IMMP2L: variants seen among roughly 807,000 people sequenced by gnomAD.
The protein encoded by IMMP2L is inner mitochondrial membrane peptidase subunit 2.
IMMP2L carries 18 observed loss-of-function variants against 19.3 expected under a neutral mutation model. The ratio of observed to expected loss-of-function variants is 0.93; its 90% confidence interval spans 0.64 to 1.38. The LOEUF is 1.38. Ranked by LOEUF, IMMP2L falls within the 40% of genes most tolerant of loss-of-function variation. IMMP2L has a pLI of 0.00. For synonymous variants in IMMP2L, 76 were observed against 73.0 expected, an observed-to-expected ratio of 1.04 and a Z score of -0.21; for missense variants, 233 against 218.2, an observed-to-expected ratio of 1.07 and a Z score of -0.43.
intron 3 of IMMP2L, among the ~76,000 whole-genome samples, chr7:111,417,550 C>T (rs1261865224): frequency 7.3e-5 from 11 of 151,722 alleles, no homozygotes; most frequent in Admixed American, 6.6e-5. Flanking sequence ...TATGAAGGTT[C>T]GTAGTCAGAG....
At chr7:110,937,905 A>C (rs1279327005) in intron 4 of IMMP2L, among the ~76,000 whole-genome samples, 2 of 152,192 alleles carry the variant, frequency 1.3e-5, no homozygotes, top group Admixed American at 6.6e-5. Context: ...AGAACTTCAC[A>C]TACACCAAGC....
chr7:111,395,713 G>T (rs1832798742), intron 3 of IMMP2L, among the ~76,000 whole-genome samples: 1 of 152,068 alleles, frequency 6.6e-6, no homozygotes, highest in African/African-American at 2.4e-5. Flanking sequence ...ACTATCTATA[G>T]TAATATTATT....
At chr7:111,400,995 T>C (rs1350472374) in intron 3 of IMMP2L, among the ~76,000 whole-genome samples, 2 of 152,320 alleles carry the variant, frequency 1.3e-5, no homozygotes, top group Non-Finnish European at 2.9e-5. Context: ...TGCTTTTTGC[T>C]TTTTGTCATT....
chr7:111,467,718 T>C (rs1840814502), intron 3 of IMMP2L, among the ~76,000 whole-genome samples: 1 of 152,190 alleles, frequency 6.6e-6, no homozygotes, highest in African/African-American at 2.4e-5. Context: ...TATTCATTAC[T>C]GTTTATGACC....
intron 3 of IMMP2L, among the ~76,000 whole-genome samples, chr7:111,433,062 G>A (rs1836797288): frequency 6.6e-6 from 1 of 151,682 alleles, no homozygotes; most frequent in African/African-American, 2.4e-5. Context: ...ACCTGACACT[G>A]GGTAATTTAT....
chr7:111,406,096 A>T (rs1833881269), intron 3 of IMMP2L, among the ~76,000 whole-genome samples: 1 of 152,108 alleles, frequency 6.6e-6, no homozygotes, highest in African/African-American at 2.4e-5. Flanking sequence ...TCTCTACATT[A>T]TATTTGGATG....
intron 3 of IMMP2L, among the ~76,000 whole-genome samples, chr7:111,407,035 G>C (rs1291886478): frequency 6.6e-6 from 1 of 152,016 alleles, no homozygotes; most frequent in Non-Finnish European, 1.5e-5. Flanking sequence ...CCCAGAGTTG[G>C]GGTGTAACCT....
intron 5 of IMMP2L, among the ~76,000 whole-genome samples, chr7:110,850,104 AG>A (rs2131519277): frequency 6.6e-6 from 1 of 152,240 alleles, no homozygotes; most frequent in Non-Finnish European, 1.5e-5. Flanking sequence ...AAACTACTAA[AG>A]TCAGAAAATA....
At chr7:111,239,394 C>T (rs1429558967) in intron 3 of IMMP2L, among the ~76,000 whole-genome samples, 2 of 151,860 alleles carry the variant, frequency 1.3e-5, no homozygotes, top group Non-Finnish European at 2.9e-5. Context: ...TTTTCACAAA[C>T]TTTCGATAAA....
chr7:110,722,263 C>T (rs1433676063), intron 5 of IMMP2L, among the ~76,000 whole-genome samples: 1 of 152,014 alleles, frequency 6.6e-6, no homozygotes. Context: ...GCAGTGGGAA[C>T]AGTACTGAGG....
intron 3 of IMMP2L, among the ~76,000 whole-genome samples, chr7:111,388,416 G>A (rs997035988): frequency 2.0e-5 from 3 of 152,086 alleles, no homozygotes; most frequent in Admixed American, 6.6e-5. Flanking sequence ...GTTTGGAATC[G>A]AGGAGATCAG....
chr7:111,242,588 T>C (rs1562962528), intron 3 of IMMP2L, among the ~76,000 whole-genome samples: 1 of 152,052 alleles, frequency 6.6e-6, no homozygotes, highest in Non-Finnish European at 1.5e-5. Flanking sequence ...ATCGGCTGTA[T>C]TTCACCTAGT....
At chr7:110,913,146 A>T (rs1813236564) in intron 4 of IMMP2L, among the ~76,000 whole-genome samples, 1 of 152,184 alleles carries the variant, frequency 6.6e-6, no homozygotes, top group African/African-American at 2.4e-5. Context: ...ATAATTAGTT[A>T]AGAGGAAAAT....
intron 3 of IMMP2L, among the ~76,000 whole-genome samples, chr7:110,990,874 T>C (rs1371847095): frequency 6.6e-6 from 1 of 152,198 alleles, no homozygotes; most frequent in East Asian, 1.9e-4. Context: ...CCCTCAACAA[T>C]GGCAAAATCT....
intron 4 of IMMP2L, among the ~76,000 whole-genome samples, chr7:110,931,929 G>C (rs1335658240): frequency 6.6e-6 from 1 of 151,890 alleles, no homozygotes; most frequent in Admixed American, 6.6e-5. Flanking sequence ...CTTAAATACA[G>C]ACCCTATGTT....
At chr7:111,122,638 A>T (rs1389665120) in intron 3 of IMMP2L, 1 of 690,518 alleles carries the variant, frequency 1.4e-6, no homozygotes, top group Non-Finnish European at 2.5e-6. Flanking sequence ...CAGTGAAGAA[A>T]AACTTTGTGG....
chr7:111,419,145 T>C (rs1225903371), intron 3 of IMMP2L, among the ~76,000 whole-genome samples: 1 of 151,816 alleles, frequency 6.6e-6, no homozygotes, highest in East Asian at 1.9e-4. Flanking sequence ...TGCTGCCTCC[T>C]ACAGCTGTAG....
intron 2 of IMMP2L, among the ~76,000 whole-genome samples, chr7:111,489,043 T>TA (rs1392962071): frequency 1.5e-5 from 2 of 137,516 alleles, no homozygotes; most frequent in Non-Finnish European, 3.1e-5. Flanking sequence ...CCACTTTTTT[T>TA]TTTTTTTTTT....
chr7:111,173,908 T>A (rs574412311), intron 3 of IMMP2L, among the ~76,000 whole-genome samples: 33 of 151,740 alleles, frequency 2.2e-4, no homozygotes, highest in Admixed American at 5.3e-4. Flanking sequence ...TTCAAACTGT[T>A]GTTCTAAAAG....
Sources: gnomAD v4.1 joint callset for allele counts (sites outside exome capture counted in the v4.1 genomes callset) on GRCh38, gnomAD v4.1.1 for gene constraint, MANE v1.5 for transcripts, NCBI Gene and HGNC (gene_info 2026-07-23, HGNC 2026-07-21) for gene names.